The following RIMBP2 variants were observed in gnomAD, a reference collection of about 807,000 sequenced individuals.
The protein encoded by RIMBP2 is RIMS-binding protein 2.
RIMBP2 carries 48 observed loss-of-function variants against 118.6 expected under a neutral mutation model. The observed-to-expected ratio is 0.40, with a 90% confidence interval of 0.32 to 0.51. The LOEUF (loss-of-function observed/expected upper bound fraction) is 0.51, where lower values mean the gene tolerates loss of function less well. Ranked by LOEUF, RIMBP2 falls within the 20% of genes least tolerant of loss-of-function variation. RIMBP2 has a pLI of 0.41. For synonymous variants in RIMBP2, 762 were observed against 742.9 expected, an observed-to-expected ratio of 1.03 and a Z score of -0.42; for missense variants, 1,551 against 1,768.3, an observed-to-expected ratio of 0.88 and a Z score of 2.20.
intron 2 of RIMBP2, among the ~76,000 whole-genome samples, chr12:130,615,298 T>TATATATATATATATATATATAC (rs1190414058): frequency 1.7e-5 from 2 of 120,614 alleles, no homozygotes; most frequent in East Asian, 2.1e-4. Context: ...TATATATATG[T>TATATATATATATATATATATAC]GTACACACAA....
At chr12:130,705,598 G>T (rs2066070723) in intron 1 of RIMBP2, among the ~76,000 whole-genome samples, 1 of 152,246 alleles carries the variant, frequency 6.6e-6, no homozygotes, top group Non-Finnish European at 1.5e-5. Flanking sequence ...ACAGGCGTTT[G>T]CTGTGTTTCT....
At chr12:130,625,168 T>C (rs1012498780) in intron 2 of RIMBP2, among the ~76,000 whole-genome samples, 5 of 152,276 alleles carry the variant, frequency 3.3e-5, no homozygotes, top group Non-Finnish European at 7.3e-5. Context: ...TGCTAGGCAC[T>C]TTCAAATTAT....
At chr12:130,712,940 C>T (rs779739058) in intron 1 of RIMBP2, among the ~76,000 whole-genome samples, 5 of 151,804 alleles carry the variant, frequency 3.3e-5, no homozygotes, top group African/African-American at 7.3e-5. Context: ...TTATGCAGGG[C>T]GTCATCTGGG....
At chr12:130,531,600 A>G (rs758860155) in intron 2 of RIMBP2, among the ~76,000 whole-genome samples, 4 of 152,344 alleles carry the variant, frequency 2.6e-5, no homozygotes, top group Non-Finnish European at 5.9e-5. Flanking sequence ...CCAGTTTGAG[A>G]CCATTAAAAA....
At chr12:130,580,926 G>GGTGTGTGTGT (rs34292565) in intron 2 of RIMBP2, among the ~76,000 whole-genome samples, 184 of 149,440 alleles carry the variant, frequency 1.2e-3, no homozygotes, top group Middle Eastern at 3.5e-3. Context: ...ACCCAGCAAT[G>GGTGTGTGTGT]GTGTGTGTGT....
At chr12:130,477,967 A>G (rs1397324019) in intron 5 of RIMBP2, among the ~76,000 whole-genome samples, 1 of 152,130 alleles carries the variant, frequency 6.6e-6, no homozygotes, top group Non-Finnish European at 1.5e-5. Context: ...CTGGAAGGAA[A>G]TGAGATGAGA....
intron 4 of RIMBP2, among the ~76,000 whole-genome samples, chr12:130,486,197 G>A (rs780821511): frequency 7.2e-5 from 11 of 152,074 alleles, no homozygotes; most frequent in South Asian, 2.1e-4. Flanking sequence ...CCTGCAGCCC[G>A]AACCCATGGC....
At chr12:130,484,606 T>C (rs1378188821) in intron 4 of RIMBP2, among the ~76,000 whole-genome samples, 1 of 152,212 alleles carries the variant, frequency 6.6e-6, no homozygotes, top group Non-Finnish European at 1.5e-5. Context: ...TCGGCACAGA[T>C]GCCAAATAAT....
intron 2 of RIMBP2, among the ~76,000 whole-genome samples, chr12:130,585,789 C>T (rs1023298825): frequency 6.6e-6 from 1 of 152,142 alleles, no homozygotes; most frequent in Non-Finnish European, 1.5e-5. Context: ...GTCACAGTCC[C>T]CACCACTCCC....
In RIMBP2 at chr12:130,447,110, G is replaced by A. The variant is rs892696761; in HGVS notation, c.582-1841C>T. On this transcript the variant is annotated intron_variant, in intron 9 of 22. Transcript: ENST00000690449. This position sits in a 1 kb window ranked among gnomAD's most constrained non-coding sequence, Gnocchi z 4.4. Reference sequence around the variant, plus strand: ...GAGGAGGAGGGAGCGAGAGGAACAGGAGCCCCCAGGCCACGCCTTCAGGAG... The same window carrying A: ...GAGGAGGAGGGAGCGAGAGGAACAGAAGCCCCCAGGCCACGCCTTCAGGAG... Among the ~76,000 whole-genome samples the A allele has an allele frequency of 4.6e-5, 7 of 151,778 alleles. No individual in the cohort carries two copies. The highest frequency in any genetic ancestry group is 8.8e-5 in the Non-Finnish European group (6 of 67,952).
chr12:130,471,333 T>C (rs1044877329), intron 5 of RIMBP2, among the ~76,000 whole-genome samples: 23 of 152,242 alleles, frequency 1.5e-4, no homozygotes, highest in African/African-American at 5.1e-4. Flanking sequence ...ACATCTGAGA[T>C]GGAACACTAT....
intron 22 of RIMBP2, chr12:130,399,131 C>A: frequency 7.2e-7 from 1 of 1,397,018 alleles, no homozygotes; most frequent in Non-Finnish European, 9.3e-7. Flanking sequence ...GCTACATTGC[C>A]TGATTAAGGT....
At chr12:130,672,120 C>G (rs538653612) in intron 1 of RIMBP2, among the ~76,000 whole-genome samples, 12 of 152,262 alleles carry the variant, frequency 7.9e-5, no homozygotes, top group African/African-American at 2.9e-4. Flanking sequence ...TTGGACGACT[C>G]GGAATGTGCC....
chr12:130,519,366 C>A (rs2139087599), intron 2 of RIMBP2, among the ~76,000 whole-genome samples: 1 of 152,322 alleles, frequency 6.6e-6, no homozygotes, highest in East Asian at 1.9e-4. Flanking sequence ...ATTTTCACAG[C>A]AATAAAACAC....
chr12:130,533,435 G>A (rs898847614), intron 2 of RIMBP2, among the ~76,000 whole-genome samples: 1 of 152,142 alleles, frequency 6.6e-6, no homozygotes, highest in African/African-American at 2.4e-5. Context: ...GGACAAAAGG[G>A]AACTCTTACA....
intron 2 of RIMBP2, among the ~76,000 whole-genome samples, chr12:130,588,587 T>G (rs2059065087): frequency 6.6e-6 from 1 of 152,174 alleles, no homozygotes; most frequent in Admixed American, 6.5e-5. Context: ...TGGACGTGTA[T>G]CAGCACCCAC....
chr12:130,522,917 T>C (rs2052312059), intron 2 of RIMBP2, among the ~76,000 whole-genome samples: 1 of 152,156 alleles, frequency 6.6e-6, no homozygotes, highest in African/African-American at 2.4e-5. Context: ...ACCGGGGCTT[T>C]CTAAGAGGAG....
At chr12:130,579,998 C>A in intron 2 of RIMBP2, among the ~76,000 whole-genome samples, 1 of 123,144 alleles carries the variant, frequency 8.1e-6, no homozygotes, top group African/African-American at 3.2e-5. Flanking sequence ...GCCTGGCCAA[C>A]ATGGTAAAAC....
chr12:130,472,712 C>T (rs2081111747), intron 5 of RIMBP2, among the ~76,000 whole-genome samples: 1 of 152,172 alleles, frequency 6.6e-6, no homozygotes, highest in South Asian at 2.1e-4. Context: ...CAGGGAAGAG[C>T]TTGGCTTCCC....
Sources: gnomAD v4.1 joint callset for allele counts (sites outside exome capture counted in the v4.1 genomes callset) on GRCh38, gnomAD v4.1.1 for gene constraint, Gnocchi (gnomAD v3.1) non-coding constraint, MANE v1.5 for transcripts, NCBI Gene and HGNC (gene_info 2026-07-23, HGNC 2026-07-21) for gene names.